The following SCRG1 variants were observed in gnomAD, a reference collection of about 807,000 sequenced individuals.
The protein encoded by SCRG1 is stimulator of chondrogenesis 1.
Under a neutral mutation model 7.7 loss-of-function variants are expected in SCRG1, and 3 were observed. That is an observed-to-expected ratio of 0.39 (90% CI 0.18 to 1.01). SCRG1 has a LOEUF of 1.01. Ranked by LOEUF, SCRG1 falls within the 50% of genes least tolerant of loss-of-function variation. SCRG1 has a pLI of 0.36. For missense variants in SCRG1, 110 were observed against 117.2 expected, an observed-to-expected ratio of 0.94 and a Z score of 0.28; for synonymous variants, 46 against 41.2, an observed-to-expected ratio of 1.12 and a Z score of -0.44.
chr4:173,409,588 C>CTTT (rs372218375), upstream of SCRG1, among the ~76,000 whole-genome samples: 37 of 133,276 alleles, frequency 2.8e-4, no homozygotes, highest in African/African-American at 5.7e-4. Context: ...TCCCTGCATA[C>CTTT]TTTTTTTTTT....
chr4:173,483,963 T>C, the SCRG1 span, among the ~76,000 whole-genome samples: 9 of 92,014 alleles, frequency 9.8e-5, no homozygotes, highest in Non-Finnish European at 1.5e-4. Context: ...ATATATTATA[T>C]ATTTTATATA....
At chr4:173,474,608 A>G in the SCRG1 span, among the ~76,000 whole-genome samples, 3 of 152,202 alleles carry the variant, frequency 2.0e-5, no homozygotes, top group African/African-American at 7.2e-5. Flanking sequence ...CTTGGCAACC[A>G]TTTAACTGAA....
At chr4:173,437,995 A>G in the SCRG1 span, among the ~76,000 whole-genome samples, 3 of 152,346 alleles carry the variant, frequency 2.0e-5, no homozygotes, top group East Asian at 5.8e-4. Flanking sequence ...TAGCTTTGCT[A>G]TGGACACTAT....
the SCRG1 span, among the ~76,000 whole-genome samples, chr4:173,518,861 C>G: frequency 2.0e-5 from 3 of 151,528 alleles, no homozygotes; most frequent in Non-Finnish European, 2.9e-5. Flanking sequence ...CCCTGCTCCC[C>G]GCTTCCCGCC....
At position 173,384,783 on chromosome 4, in the gene SCRG1, T is replaced by C. The variant is rs1479765812; in HGVS notation, c.*3558A>G. The C allele has an allele frequency of 6.6e-6, 1 of 152,210 alleles. No individual in the cohort carries two copies. The highest frequency in any genetic ancestry group is 2.4e-5 in the African/African-American group (1 of 41,450). 9.4% of individuals were successfully genotyped at this position (152,210 alleles called of 1,614,324 possible). On this transcript the variant is annotated 3_prime_UTR_variant, in exon 3 of 3. Transcript: ENST00000296506. ...ACTGTCAACTTTGTGCTCAGTAACG[T>C]GGGATTCACAGTAAGAACAATGATA...
the SCRG1 span, among the ~76,000 whole-genome samples, chr4:173,509,892 C>T: frequency 2.0e-5 from 3 of 152,182 alleles, no homozygotes; most frequent in South Asian, 6.2e-4. The surrounding 1 kb of genome is among the most constrained non-coding windows in gnomAD (Gnocchi z 5.7). Context: ...CCTGTTGACT[C>T]GGGCCCAGTA....
chr4:173,470,632 C>T, the SCRG1 span, among the ~76,000 whole-genome samples: 1 of 152,018 alleles, frequency 6.6e-6, no homozygotes, highest in African/African-American at 2.4e-5. Flanking sequence ...ACCATATGAC[C>T]CTTTTAATAT....
chr4:173,454,601 C>G, the SCRG1 span, among the ~76,000 whole-genome samples: 1 of 152,162 alleles, frequency 6.6e-6, no homozygotes, highest in Non-Finnish European at 1.5e-5. Context: ...TTATGTGGCA[C>G]TTCATAACCT....
the SCRG1 span, among the ~76,000 whole-genome samples, chr4:173,510,465 C>A: frequency 6.6e-6 from 1 of 151,534 alleles, no homozygotes; most frequent in Admixed American, 6.6e-5. This position sits in a 1 kb window ranked among gnomAD's most constrained non-coding sequence, Gnocchi z 5.7. Context: ...CAAAACAGAG[C>A]CACTTTGGTG....
the SCRG1 span, among the ~76,000 whole-genome samples, chr4:173,517,258 G>C: frequency 6.6e-6 from 1 of 152,336 alleles, no homozygotes; most frequent in African/African-American, 2.4e-5. Flanking sequence ...GTCATCGGAG[G>C]GGGGCCAGGC....
the SCRG1 span, among the ~76,000 whole-genome samples, chr4:173,451,169 T>C: frequency 2.0e-5 from 3 of 151,720 alleles, no homozygotes; most frequent in East Asian, 5.8e-4. Flanking sequence ...ATCCAGTGTA[T>C]ATATCAACAG....
chr4:173,499,748 C>T, the SCRG1 span, among the ~76,000 whole-genome samples: 1 of 152,120 alleles, frequency 6.6e-6, no homozygotes, highest in Non-Finnish European at 1.5e-5. The surrounding 1 kb of genome is among the most constrained non-coding windows in gnomAD (Gnocchi z 4.1). Flanking sequence ...CACGTGAACG[C>T]AAGACGCCCT....
the SCRG1 span, among the ~76,000 whole-genome samples, chr4:173,498,854 G>A: frequency 6.6e-6 from 1 of 152,314 alleles, no homozygotes; most frequent in Non-Finnish European, 1.5e-5. Flanking sequence ...TGATGGCAAA[G>A]CCAGGTCTAA....
chr4:173,394,762 A>G (rs2101092), intron 1 of SCRG1, among the ~76,000 whole-genome samples: 59,026 of 152,094 alleles, frequency 0.39, 13,195 homozygotes, highest in East Asian at 0.55. Context: ...TGATGTCACA[A>G]TTTACATCTA....
the SCRG1 span, among the ~76,000 whole-genome samples, chr4:173,439,626 A>G: frequency 6.6e-6 from 1 of 151,820 alleles, no homozygotes; most frequent in Non-Finnish European, 1.5e-5. Context: ...TATTATAAAT[A>G]TGTAATTGCA....
chr4:173,407,096 C>A (rs946757346), upstream of SCRG1, among the ~76,000 whole-genome samples: 3 of 151,506 alleles, frequency 2.0e-5, no homozygotes, highest in African/African-American at 7.3e-5. Context: ...GTGATCCTAG[C>A]TGCTCAGGAG....
the SCRG1 span, among the ~76,000 whole-genome samples, chr4:173,467,456 G>A: frequency 3.3e-5 from 5 of 152,148 alleles, no homozygotes; most frequent in African/African-American, 1.2e-4. Context: ...TTACCTTTTA[G>A]GTTCATGTGA....
At chr4:173,389,851 C>A in intron 2 of SCRG1, 1 of 434,720 alleles carries the variant, frequency 2.3e-6, no homozygotes, top group East Asian at 7.1e-5. Context: ...TCTACCTTTT[C>A]TATTTCACAG....
the SCRG1 span, among the ~76,000 whole-genome samples, chr4:173,498,746 G>C: frequency 6.6e-6 from 1 of 152,192 alleles, no homozygotes; most frequent in Non-Finnish European, 1.5e-5. Flanking sequence ...ATATGTGTGT[G>C]TGTGTGTATG....
Sources: allele counts gnomAD v4.1 joint callset (sites outside exome capture counted in the v4.1 genomes callset), GRCh38; gene constraint gnomAD v4.1.1; non-coding constraint Gnocchi (gnomAD v3.1); transcripts MANE v1.5; gene names NCBI Gene and HGNC (gene_info 2026-07-23, HGNC 2026-07-21).